The following CSGALNACT1 variants were observed in gnomAD, a reference collection of about 807,000 sequenced individuals.
CSGALNACT1 encodes the protein beta4GalNAcT-1.
CSGALNACT1 carries 52 observed loss-of-function variants against 51.0 expected under a neutral mutation model. The ratio of observed to expected loss-of-function variants is 1.02; its 90% CI spans 0.82 to 1.29. The LOEUF (loss-of-function observed/expected upper bound fraction) is 1.29, where lower values mean the gene tolerates loss of function less well. Ranked by LOEUF, CSGALNACT1 falls within the 50% of genes most tolerant of loss-of-function variation. The pLI, the probability that CSGALNACT1 is intolerant of heterozygous loss-of-function variation, is 0.00. For missense variants in CSGALNACT1, 935 were observed against 679.2 expected, an observed-to-expected ratio of 1.38 and a Z score of -4.19; for synonymous variants, 341 against 254.4, an observed-to-expected ratio of 1.34 and a Z score of -3.24.
chr8:19,672,308 G>A (rs1024560694), intron 1 of CSGALNACT1, among the ~76,000 whole-genome samples: 1 of 152,190 alleles, frequency 6.6e-6, no homozygotes, highest in South Asian at 2.1e-4. Flanking sequence ...AGCAGGAACA[G>A]AGAAGAACAT....
upstream of CSGALNACT1, among the ~76,000 whole-genome samples, chr8:19,606,367 T>C (rs2051367792): frequency 1.3e-5 from 2 of 152,218 alleles, no homozygotes; most frequent in Non-Finnish European, 1.5e-5. Context: ...GGTCAGGAAC[T>C]ATACAGACAA....
chr8:19,498,755 T>C (rs2075913431), intron 4 of CSGALNACT1, among the ~76,000 whole-genome samples: 1 of 152,172 alleles, frequency 6.6e-6, no homozygotes. Context: ...ACATCACAAA[T>C]TTTCTCTCAT....
At chr8:19,605,062 T>G (rs926451797), upstream of CSGALNACT1, among the ~76,000 whole-genome samples, 1 of 151,984 alleles carries the variant, frequency 6.6e-6, no homozygotes, top group Non-Finnish European at 1.5e-5. Context: ...AATTCCCTCA[T>G]AAGAAACCAT....
At chr8:19,512,818 G>C (rs1422208958) in intron 3 of CSGALNACT1, among the ~76,000 whole-genome samples, 1 of 152,102 alleles carries the variant, frequency 6.6e-6, no homozygotes, top group Non-Finnish European at 1.5e-5. Flanking sequence ...TTTTCTTTAA[G>C]TGTCAGGGAC....
chr8:19,471,319 C>T (rs2068116256), intron 4 of CSGALNACT1, among the ~76,000 whole-genome samples: 1 of 152,078 alleles, frequency 6.6e-6, no homozygotes, highest in South Asian at 2.1e-4. Flanking sequence ...AAGAGGCGAG[C>T]CTATAAAATC....
At position 19,477,354 on chromosome 8, in the gene CSGALNACT1, C is replaced by G. The variant is rs562808146; in HGVS notation, c.635-18712G>C. 3.3e-5 allele frequency among the ~76,000 whole-genome samples: 5 copies of G among 152,248 alleles called. No homozygotes were observed. The East Asian group carries it at 9.7e-4, about 29-fold the overall frequency. ...ACTAAACACGTGGACAAATGGGTGG[C>G]TAAGACCCCAAAATCCCACACAACT... On this transcript the variant is annotated intron_variant, in intron 4 of 9. Coordinates refer to ENST00000454498, the Ensembl canonical transcript of CSGALNACT1.
intron 4 of CSGALNACT1, among the ~76,000 whole-genome samples, chr8:19,467,667 T>A (rs1157689432): frequency 6.6e-6 from 1 of 152,032 alleles, no homozygotes; most frequent in Non-Finnish European, 1.5e-5. Context: ...CTAATATTAA[T>A]GATGGATTGT....
intron 6 of CSGALNACT1, among the ~76,000 whole-genome samples, chr8:19,428,129 G>C (rs1279483538): frequency 6.6e-6 from 1 of 152,132 alleles, no homozygotes; most frequent in Non-Finnish European, 1.5e-5. Flanking sequence ...AGTCTGGATG[G>C]ATAATTCCCA....
rs544478736 is a variant in CSGALNACT1, at chr8:19,442,659, T to C, written c.852-2728A>G. ...GGGTGCAGCACACCAACATGGCACA[T>C]GTATACATATGTAACAAACCTGCAC... On this transcript the variant is annotated intron_variant, in intron 5 of 9. Coordinates refer to ENST00000454498, the Ensembl canonical transcript of CSGALNACT1. Among the ~76,000 whole-genome samples the C allele has an allele frequency of 7.9e-5, 12 of 151,012 alleles. No homozygotes were observed. The South Asian group carries it at 1.9e-3, about 24-fold the overall frequency.
intron 1 of CSGALNACT1, among the ~76,000 whole-genome samples, chr8:19,626,869 A>G (rs990497899): frequency 2.0e-5 from 3 of 152,202 alleles, no homozygotes; most frequent in Non-Finnish European, 4.4e-5. Flanking sequence ...CTACACACCT[A>G]TTAGAATGGC....
intron 5 of CSGALNACT1, among the ~76,000 whole-genome samples, chr8:19,440,828 CA>C (rs2061213886): frequency 6.6e-6 from 1 of 152,122 alleles, no homozygotes; most frequent in South Asian, 2.1e-4. Context: ...CCCATTGTCT[CA>C]GCCCAAAATC....
At chr8:19,747,409 T>A (rs910757456) in intron 1 of CSGALNACT1, among the ~76,000 whole-genome samples, 2 of 152,224 alleles carry the variant, frequency 1.3e-5, no homozygotes, top group Admixed American at 6.5e-5. Flanking sequence ...GACTCATTCT[T>A]GGAAGAATGC....
At chr8:19,437,967 T>C (rs1398233950) in intron 6 of CSGALNACT1, among the ~76,000 whole-genome samples, 2 of 152,206 alleles carry the variant, frequency 1.3e-5, no homozygotes, top group Non-Finnish European at 2.9e-5. Context: ...AAGAATGTAT[T>C]GATAAAGGTA....
At chr8:19,451,942 G>C (rs2063252277) in intron 5 of CSGALNACT1, among the ~76,000 whole-genome samples, 1 of 152,224 alleles carries the variant, frequency 6.6e-6, no homozygotes, top group South Asian at 2.1e-4. Context: ...CTGTATGAGA[G>C]CAAAGGGTGT....
intron 1 of CSGALNACT1, among the ~76,000 whole-genome samples, chr8:19,687,821 T>G (rs2061061172): frequency 6.6e-6 from 1 of 152,216 alleles, no homozygotes; most frequent in Admixed American, 6.5e-5. Flanking sequence ...TGTTTTTCAA[T>G]GGCTGACACT....
chr8:19,695,960 TA>T (rs1232144102), intron 1 of CSGALNACT1, among the ~76,000 whole-genome samples: 1 of 152,262 alleles, frequency 6.6e-6, no homozygotes, highest in East Asian at 1.9e-4. Context: ...GGTTTATTTA[TA>T]GTTCTTTCTT....
In CSGALNACT1 at chr8:19,734,492, C is replaced by T. The variant is rs148319969; in HGVS notation, c.-297+23358G>A. Among the ~76,000 whole-genome samples the T allele has an allele frequency of 2.0e-4, 31 of 152,292 alleles. No individual in the cohort carries two copies. The South Asian group carries it at 2.1e-3, about 10-fold the overall frequency. Reference sequence around the variant, plus strand: ...TTTCTCTGTCCATATATATTGCCTGCGCACATTGCTGGGCTGAGCTCTCTG... The same window carrying T: ...TTTCTCTGTCCATATATATTGCCTGTGCACATTGCTGGGCTGAGCTCTCTG... On this transcript the variant is annotated intron_variant, in intron 1 of 1. Transcript: ENST00000517494.
intron 1 of CSGALNACT1, among the ~76,000 whole-genome samples, chr8:19,677,391 G>A (rs568236300): frequency 1.8e-4 from 27 of 152,326 alleles, no homozygotes; most frequent in African/African-American, 6.5e-4. Context: ...GATTACAGGT[G>A]TGAGCCACCA....
chr8:19,489,625 G>T (rs1236793443), intron 4 of CSGALNACT1, among the ~76,000 whole-genome samples: 1 of 152,150 alleles, frequency 6.6e-6, no homozygotes. Flanking sequence ...TAAGTCTAGG[G>T]GGAGACCCTG....
Sources: gnomAD v4.1 joint callset for allele counts (sites outside exome capture counted in the v4.1 genomes callset) on GRCh38, gnomAD v4.1.1 for gene constraint, MANE v1.5 for transcripts, NCBI Gene and HGNC (gene_info 2026-07-23, HGNC 2026-07-21) for gene names.